PIK3CB: variants seen among roughly 807,000 people sequenced by gnomAD.
The protein encoded by PIK3CB is phosphatidylinositol 4,5-bisphosphate 3-kinase catalytic subunit beta isoform.
Under a neutral mutation model 136.8 loss-of-function variants are expected in PIK3CB, and 39 were observed. That is an observed-to-expected ratio of 0.29 (90% confidence interval 0.22 to 0.37). The LOEUF (loss-of-function observed/expected upper bound fraction) is 0.37, where lower values mean the gene tolerates loss of function less well. Among genes scored for constraint, PIK3CB ranks in the 10% least tolerant of loss-of-function variants. PIK3CB has a pLI of 1.00. For missense variants in PIK3CB, 868 were observed against 1,275.4 expected, an observed-to-expected ratio of 0.68 and a Z score of 4.87; for synonymous variants, 428 against 436.6, an observed-to-expected ratio of 0.98 and a Z score of 0.25.
intron 12 of PIK3CB, among the ~76,000 whole-genome samples, chr3:138,703,632 A>T (rs2044304093): frequency 6.6e-6 from 1 of 152,020 alleles, no homozygotes; most frequent in African/African-American, 2.4e-5. Context: ...ATAGATATAT[A>T]GATGTAGATA....
chr3:138,737,909 A>G (rs1325631002), intron 5 of PIK3CB, 23 bp from the exon 6 acceptor site: 13 of 1,470,628 alleles, frequency 8.8e-6, no homozygotes, highest in Non-Finnish European at 1.1e-5. Flanking sequence ...GGAGATGGGG[A>G]AAAAAGCAGT....
intron 1 of PIK3CB, among the ~76,000 whole-genome samples, chr3:138,831,839 C>T (rs1307111585): frequency 2.0e-5 from 3 of 152,110 alleles, no homozygotes; most frequent in South Asian, 4.2e-4. Flanking sequence ...GCAGGAGAAT[C>T]GCTTGAACCC....
intron 2 of PIK3CB, among the ~76,000 whole-genome samples, chr3:138,768,055 A>T (rs991388244): frequency 6.6e-6 from 1 of 152,246 alleles, no homozygotes; most frequent in African/African-American, 2.4e-5. Context: ...AGCTTTACTG[A>T]GTGACAACAG....
intron 16 of PIK3CB, 76 bp from the exon 17 acceptor site, chr3:138,684,879 T>C: frequency 1.0e-6 from 1 of 1,000,698 alleles, no homozygotes. Flanking sequence ...TATCAATCAA[T>C]AACACCTGCT....
chr3:138,757,946 A>T (rs2045603463), intron 3 of PIK3CB, among the ~76,000 whole-genome samples: 1 of 152,244 alleles, frequency 6.6e-6, no homozygotes, highest in East Asian at 1.9e-4. Flanking sequence ...GAATTCAAAC[A>T]GACATTTATA....
intron 4 of PIK3CB, among the ~76,000 whole-genome samples, chr3:138,747,956 T>A (rs2045394311): frequency 6.6e-6 from 1 of 152,158 alleles, no homozygotes; most frequent in South Asian, 2.1e-4. Flanking sequence ...ATTTTAGAAA[T>A]CTAAAAGAAT....
At chr3:138,657,537 A>T (rs2043212682) in intron 22 of PIK3CB, 153 bp downstream of exon 22, 1 of 616,734 alleles carries the variant, frequency 1.6e-6, no homozygotes, top group Non-Finnish European at 2.8e-6. Flanking sequence ...GAACCAGCAC[A>T]ATAATCTGAC....
At chr3:138,693,960 TATATATTATATATA>T (rs1385620356) in intron 14 of PIK3CB, among the ~76,000 whole-genome samples, 1 of 33,976 alleles carries the variant, frequency 2.9e-5, no homozygotes, top group African/African-American at 2.3e-4. Context: ...TATATATATA[TATATATTATATATA>T]TATATATATA....
chr3:138,685,501 A>G (rs1024220241), intron 16 of PIK3CB, among the ~76,000 whole-genome samples: 1 of 151,454 alleles, frequency 6.6e-6, no homozygotes, highest in East Asian at 1.9e-4. Flanking sequence ...AATTTGAGAC[A>G]TCACTAACCT....
At position 138,674,950 on chromosome 3, in the gene PIK3CB, T is replaced by C. The variant is rs910132949; in HGVS notation, c.2504+7017A>G. ...GGCCGCTTGTCATTATCCCAGCTAC[T>C]TGGGAGGCTGAGGTGGAGAATCGTT... On this transcript the variant is annotated intron_variant, in intron 19 of 23. Transcript: ENST00000674063. 1.3e-5 allele frequency among the ~76,000 whole-genome samples: 2 copies of C among 151,906 alleles called. 1 individual carries two copies. Among genetic ancestry groups the C allele is most frequent in the Non-Finnish European group, 2.9e-5 (2 of 68,000 alleles).
chr3:138,759,138 T>C (rs775734393), intron 3 of PIK3CB, 35 bp downstream of exon 3: 146 of 1,373,048 alleles, frequency 1.1e-4, no homozygotes, highest in Admixed American at 2.0e-4. Flanking sequence ...TGACACAGTA[T>C]GCTAAACACA....
chr3:138,702,327 G>A (rs1420579429), intron 12 of PIK3CB, among the ~76,000 whole-genome samples: 1 of 149,748 alleles, frequency 6.7e-6, no homozygotes, highest in Non-Finnish European at 1.5e-5. Flanking sequence ...CTCCTACCTT[G>A]GCCTCTCAAA....
At chr3:138,820,123 T>C (rs544351046) in intron 1 of PIK3CB, among the ~76,000 whole-genome samples, 1 of 152,364 alleles carries the variant, frequency 6.6e-6, no homozygotes, top group Non-Finnish European at 1.5e-5. Context: ...ATCTTTGCTT[T>C]GCAAGACTGT....
chr3:138,803,298 T>C (rs2046197642), intron 1 of PIK3CB, among the ~76,000 whole-genome samples: 1 of 152,210 alleles, frequency 6.6e-6, no homozygotes, highest in Non-Finnish European at 1.5e-5. Context: ...TAAATAAGTA[T>C]TCTCACCTTA....
In PIK3CB at chr3:138,657,723, T is replaced by C; in HGVS notation, c.2909A>G (p.Gln970Arg). Residue 970 changes from glutamine (Q) to arginine (R), a missense_variant, in exon 22 of 24, where the codon CAA becomes CGA. Coordinates refer to ENST00000674063, the MANE Select transcript of PIK3CB (RefSeq NM_006219.3). ...LTYDFIHVIQQGKTGNTEKFG... is the reference protein window; with the variant it reads ...LTYDFIHVIQRGKTGNTEKFG... ...CTTTTCTGTATTTCCTGTTTTTCCT[T>C]GTTGAATGACATGGATGAAATCATA... is the stretch of plus-strand genomic sequence containing the variant. 6.2e-7 allele frequency: 1 copy of C among 1,613,880 alleles called. No homozygotes were observed. Among genetic ancestry groups the C allele is most frequent in the Non-Finnish European group, 8.5e-7 (1 of 1,179,826 alleles).
intron 2 of PIK3CB, among the ~76,000 whole-genome samples, chr3:138,772,968 A>T (rs1190558932): frequency 1.3e-5 from 2 of 151,366 alleles, no homozygotes; most frequent in East Asian, 2.0e-4. Flanking sequence ...TTGTATTTTT[A>T]GTAGAGATGA....
intron 1 of PIK3CB, among the ~76,000 whole-genome samples, chr3:138,829,050 C>A (rs571707994): frequency 1.3e-5 from 2 of 151,616 alleles, no homozygotes; most frequent in Admixed American, 6.6e-5. Flanking sequence ...GATCCGCCCA[C>A]CTCAGCCTCC....
intron 16 of PIK3CB, among the ~76,000 whole-genome samples, chr3:138,687,839 TTAGA>T (rs1294182690): frequency 5.3e-5 from 8 of 152,198 alleles, no homozygotes; most frequent in South Asian, 2.1e-4. Context: ...GGGGTACAAT[TTAGA>T]TAGTTAATGA....
At chr3:138,796,697 T>TG (rs2046112735) in intron 1 of PIK3CB, 130 bp from the exon 2 acceptor site, 1 of 152,184 alleles carries the variant, frequency 6.6e-6, no homozygotes, top group African/African-American at 2.4e-5. Flanking sequence ...GAAGATCTAA[T>TG]GAGGCTGAAG....
Sources: allele counts gnomAD v4.1 joint callset (sites outside exome capture counted in the v4.1 genomes callset), GRCh38; gene constraint gnomAD v4.1.1; transcripts MANE v1.5; gene names NCBI Gene and HGNC (gene_info 2026-07-23, HGNC 2026-07-21).